Variants in CBLB observed in about 807,000 individuals in gnomAD.
CBLB encodes E3 ubiquitin-protein ligase CBL-B.
In CBLB, 31 loss-of-function variants were observed where a neutral mutation model predicts 104.9. The ratio of observed to expected loss-of-function variants is 0.30; its 90% CI spans 0.22 to 0.40. The LOEUF (loss-of-function observed/expected upper bound fraction) is 0.40, where lower values mean the gene tolerates loss of function less well. CBLB is among the 10% of genes least tolerant of loss of function. The pLI, the probability that CBLB is intolerant of heterozygous loss-of-function variation, is 1.00. For synonymous variants in CBLB, 440 were observed against 422.6 expected, an observed-to-expected ratio of 1.04 and a Z score of -0.51; for missense variants, 1,062 against 1,214.6, an observed-to-expected ratio of 0.87 and a Z score of 1.87.
intron 14 of CBLB, among the ~76,000 whole-genome samples, chr3:105,682,896 G>GC (rs1380613658): frequency 4.6e-5 from 7 of 152,206 alleles, no homozygotes; most frequent in Non-Finnish European, 1.0e-4. Context: ...AAGATAAGGA[G>GC]CATATTTTGC....
chr3:105,730,116 G>T (rs746221098), intron 9 of CBLB, among the ~76,000 whole-genome samples: 3 of 151,890 alleles, frequency 2.0e-5, no homozygotes, highest in Admixed American at 2.0e-4. Flanking sequence ...AACATGAACC[G>T]GGGATTACTG....
intron 3 of CBLB, among the ~76,000 whole-genome samples, chr3:105,790,126 T>C (rs1197842908): frequency 6.6e-6 from 1 of 152,192 alleles, no homozygotes; most frequent in African/African-American, 2.4e-5. Context: ...ACTGATTATT[T>C]TGTCGTAATA....
chr3:105,860,955 A>T (rs976001832), intron 2 of CBLB, among the ~76,000 whole-genome samples: 12 of 152,160 alleles, frequency 7.9e-5, no homozygotes, highest in African/African-American at 2.9e-4. Context: ...TATTTTTTTA[A>T]ATCTTTTAAC....
chr3:105,820,885 C>T (rs1037743814), intron 3 of CBLB, among the ~76,000 whole-genome samples: 17 of 151,946 alleles, frequency 1.1e-4, no homozygotes, highest in Non-Finnish European at 2.9e-5. Flanking sequence ...TTTTCTGTTC[C>T]TTTTTGTTCT....
intron 10 of CBLB, among the ~76,000 whole-genome samples, chr3:105,711,696 G>C (rs570108397): frequency 6.6e-6 from 1 of 152,046 alleles, no homozygotes; most frequent in African/African-American, 2.4e-5. Context: ...GAGAAACCCA[G>C]AATGAAACAG....
chr3:105,723,611 GA>G (rs907792609), intron 9 of CBLB, among the ~76,000 whole-genome samples: 4 of 151,810 alleles, frequency 2.6e-5, no homozygotes, highest in African/African-American at 9.7e-5. Context: ...CAAACAAATA[GA>G]AAAAAATTTT....
chr3:105,838,469 T>C (rs1018455261), intron 3 of CBLB, among the ~76,000 whole-genome samples: 1 of 151,920 alleles, frequency 6.6e-6, no homozygotes, highest in Non-Finnish European at 1.5e-5. Context: ...GTGGGAATGT[T>C]AGCTATGCCA....
At chr3:105,780,134 T>G (rs1264817990) in intron 3 of CBLB, among the ~76,000 whole-genome samples, 2 of 151,500 alleles carry the variant, frequency 1.3e-5, no homozygotes, top group Non-Finnish European at 2.9e-5. Context: ...GTTACAGGCA[T>G]GAGACACCGT....
intron 3 of CBLB, among the ~76,000 whole-genome samples, chr3:105,821,214 CATT>C (rs141868769): frequency 0.02 from 3,064 of 152,202 alleles, 87 homozygotes; most frequent in Admixed American, 0.076. Flanking sequence ...ACCTAGCTAA[CATT>C]ATTCTACAAT....
At chr3:105,698,467 A>G (rs568038082) in intron 12 of CBLB, among the ~76,000 whole-genome samples, 59 of 152,234 alleles carry the variant, frequency 3.9e-4, no homozygotes, top group Non-Finnish European at 4.7e-4. Flanking sequence ...TGTGTTCCAC[A>G]TGTATAATTA....
At chr3:105,866,235 C>T (rs1560595505) in intron 2 of CBLB, among the ~76,000 whole-genome samples, 1 of 152,142 alleles carries the variant, frequency 6.6e-6, no homozygotes, top group African/African-American at 2.4e-5. Flanking sequence ...CTGTGTGTCC[C>T]TTCCATCAGA....
chr3:105,775,625 A>C (rs533472536), intron 4 of CBLB, among the ~76,000 whole-genome samples: 104 of 152,326 alleles, frequency 6.8e-4, no homozygotes, highest in African/African-American at 2.2e-3. Flanking sequence ...TTAAAAGGTT[A>C]CTGGGGAAAC....
intron 3 of CBLB, chr3:105,824,292 G>C (rs1170672835): frequency 1.3e-5 from 2 of 152,184 alleles, no homozygotes. Context: ...ACAATTGTAG[G>C]CCTAAAGGGC....
chr3:105,724,840 T>C (rs2073379672), intron 9 of CBLB, among the ~76,000 whole-genome samples: 1 of 152,140 alleles, frequency 6.6e-6, no homozygotes, highest in South Asian at 2.1e-4. Flanking sequence ...TTTAATCCTA[T>C]AAGGTAGGTA....
At chr3:105,786,490 C>T (rs1436552228) in intron 3 of CBLB, among the ~76,000 whole-genome samples, 1 of 152,130 alleles carries the variant, frequency 6.6e-6, no homozygotes, top group African/African-American at 2.4e-5. Flanking sequence ...GGCACTCAAG[C>T]CAAACCACTT....
rs546972153 is a variant in CBLB at position 105,853,497 on chromosome 3, A to C, written c.336T>G (p.Asp112Glu). 3.1e-6 allele frequency: 5 copies of C among 1,613,364 alleles called. No individual in the cohort carries two copies. The South Asian group carries it at 5.5e-5, about 18-fold the overall frequency. The part of the protein sequence containing the change: ...SENEYFKIYI[D>E]SLMKKSKRAI... ...CCCGTTTTGACTTTTTCATAAGGCT[A>C]TCAATGTAGATTTTAAAGTACTCAT... Residue 112 changes from aspartate (D) to glutamate (E), a missense_variant, in exon 3 of 19, where the codon GAT (aspartate) becomes GAG (glutamate). Transcript: ENST00000394030.
At chr3:105,778,608 T>C (rs2079771680) in intron 3 of CBLB, among the ~76,000 whole-genome samples, 1 of 152,132 alleles carries the variant, frequency 6.6e-6, no homozygotes, top group South Asian at 2.1e-4. Flanking sequence ...GGAAAGCTTT[T>C]TGATGAAAGG....
intron 3 of CBLB, among the ~76,000 whole-genome samples, chr3:105,791,537 G>C (rs6437618): frequency 1 from 151,896 of 152,360 alleles, 75,719 homozygotes; most frequent in East Asian, 1. Flanking sequence ...CACTGACGTT[G>C]TCTTAGGTAA....
At chr3:105,846,331 A>T (rs1182113997) in intron 3 of CBLB, among the ~76,000 whole-genome samples, 1 of 152,098 alleles carries the variant, frequency 6.6e-6, no homozygotes, top group African/African-American at 2.4e-5. Flanking sequence ...GATGAATATA[A>T]GCCATTCCCT....
Sources: allele counts gnomAD v4.1 joint callset (sites outside exome capture counted in the v4.1 genomes callset), GRCh38; gene constraint gnomAD v4.1.1; transcripts MANE v1.5; gene names NCBI Gene and HGNC (gene_info 2026-07-23, HGNC 2026-07-21).